Variants in RNF152 observed in about 807,000 individuals in gnomAD.
RNF152 encodes ring finger protein 152.
A neutral mutation model predicts 12.7 loss-of-function variants in RNF152; 11 were observed. The observed-to-expected ratio is 0.86, with a 90% confidence interval of 0.54 to 1.43. RNF152 has a LOEUF of 1.43. Among genes scored for constraint, RNF152 ranks in the 40% most tolerant of loss-of-function variants. RNF152 has a pLI of 0.00. For missense variants in RNF152, 255 were observed against 274.8 expected (o/e 0.93, Z 0.51); for synonymous variants, 113 against 120.3 (o/e 0.94, Z 0.40).
chr18:61,873,719 T>A (rs1011704918), intron 1 of RNF152, among the ~76,000 whole-genome samples: 4 of 152,196 alleles, frequency 2.6e-5, no homozygotes, highest in African/African-American at 9.6e-5. Flanking sequence ...TCTGCCCACA[T>A]AGTGAACTCT....
rs1451662719 is a variant in RNF152 at position 61,808,879 on chromosome 18, C to T, written c.*6973G>A. Reference sequence around the variant, plus strand: ...ACTCTGAAATTGCCTAGTGTGCTAACAATCCAAACCACGAGCATAGGATAG... The same window carrying T: ...ACTCTGAAATTGCCTAGTGTGCTAATAATCCAAACCACGAGCATAGGATAG... On this transcript the variant is annotated 3_prime_UTR_variant, in exon 2 of 2. Coordinates refer to ENST00000312828, the MANE Select transcript of RNF152 (RefSeq NM_173557.3). 1 of 152,174 alleles carries T rather than the reference C, an allele frequency of 6.6e-6. No homozygotes were observed. The highest frequency in any genetic ancestry group is 1.5e-5 in the Non-Finnish European group (1 of 68,040). The allele number at this position is 152,174 out of a possible 1,614,324, so 9.4% of individuals were successfully genotyped here. A position where few individuals can be genotyped will look rare whatever the true frequency, so the allele number is the denominator to read the frequency against.
Position 61,816,316 on chromosome 18 carries a change from G to A in RNF152, c.148C>T (p.Arg50Trp), listed in dbSNP as rs768728944. The A allele has an allele frequency of 6.2e-6, 10 of 1,614,102 alleles. No individual in the cohort carries two copies. Among genetic ancestry groups the A allele is most frequent in the South Asian group, 3.3e-5 (3 of 91,086 alleles). ...GTGACACCGCGGCACCAGGGGCACC[G>A]CACATCCTTCTGGCTGGTCCTCATC... is the stretch of plus-strand genomic sequence containing the variant. The part of the protein sequence containing the change: ...QQMRTSQKDV[R>W]CPWCRGVTKL... Residue 50 changes from arginine to tryptophan, a missense_variant, in exon 2 of 2, where the codon CGG (arginine) becomes TGG (tryptophan). Coordinates refer to ENST00000312828, the MANE Select transcript of RNF152 (RefSeq NM_173557.3).
intron 1 of RNF152, among the ~76,000 whole-genome samples, chr18:61,834,180 C>T (rs1910078577): frequency 2.0e-5 from 3 of 152,216 alleles, no homozygotes; most frequent in Non-Finnish European, 2.9e-5. Context: ...AGCAACATGC[C>T]TTTCTCATCT....
At chr18:61,865,195 C>T (rs563500059) in intron 1 of RNF152, among the ~76,000 whole-genome samples, 8 of 152,194 alleles carry the variant, frequency 5.3e-5, no homozygotes, top group South Asian at 2.1e-4. Context: ...CCAAATTGTC[C>T]GGCACATATA....
chr18:61,882,903 G>A (rs1367599581), intron 1 of RNF152, among the ~76,000 whole-genome samples: 1 of 152,148 alleles, frequency 6.6e-6, no homozygotes, highest in Non-Finnish European at 1.5e-5. Context: ...ATACAACATA[G>A]GAATGTTCCA....
At chr18:61,817,151 T>A (rs1461981483) in intron 1 of RNF152, among the ~76,000 whole-genome samples, 1 of 152,124 alleles carries the variant, frequency 6.6e-6, no homozygotes, top group African/African-American at 2.4e-5. Flanking sequence ...AGAAGTAAAG[T>A]GACACTGCAG....
At chr18:61,851,026 G>A (rs948482450) in intron 1 of RNF152, among the ~76,000 whole-genome samples, 2 of 151,370 alleles carry the variant, frequency 1.3e-5, no homozygotes, top group South Asian at 2.1e-4. Context: ...ATACCACCAG[G>A]TGCATCAGCC....
chr18:61,874,425 C>T (rs59692853), intron 1 of RNF152, among the ~76,000 whole-genome samples: 4,866 of 152,252 alleles, frequency 0.032, 270 homozygotes, highest in African/African-American at 0.11. Flanking sequence ...ATGAAAGAGC[C>T]CTCAATCAAC....
chr18:61,864,439 T>C (rs1055267747), intron 1 of RNF152, among the ~76,000 whole-genome samples: 3 of 152,156 alleles, frequency 2.0e-5, no homozygotes, highest in East Asian at 1.9e-4. Context: ...CAGGGCAAGA[T>C]TGGGTGCACA....
intron 1 of RNF152, among the ~76,000 whole-genome samples, chr18:61,842,873 C>T (rs1201137723): frequency 1.3e-5 from 2 of 152,120 alleles, no homozygotes; most frequent in African/African-American, 4.8e-5. Flanking sequence ...GGGAAAGACC[C>T]GCCCTCATAA....
chr18:61,835,612 T>G (rs7240831), intron 1 of RNF152, among the ~76,000 whole-genome samples: 69,470 of 151,944 alleles, frequency 0.46, 16,377 homozygotes, highest in Non-Finnish European at 0.53. Context: ...AATAATAAAT[T>G]AAAAAGGATA....
intron 1 of RNF152, among the ~76,000 whole-genome samples, chr18:61,823,444 C>T (rs554767979): frequency 4.7e-5 from 7 of 150,486 alleles, no homozygotes; most frequent in African/African-American, 1.7e-4. Flanking sequence ...TACAGGTGTG[C>T]ACCACCACAC....
At chr18:61,861,759 C>T (rs544071206) in intron 1 of RNF152, among the ~76,000 whole-genome samples, 1 of 152,134 alleles carries the variant, frequency 6.6e-6, no homozygotes, top group Admixed American at 6.5e-5. Flanking sequence ...GTGCAGAGAT[C>T]ACATGGTGAG....
intron 1 of RNF152, among the ~76,000 whole-genome samples, chr18:61,843,551 C>T (rs536128630): frequency 6.6e-6 from 1 of 152,200 alleles, no homozygotes; most frequent in South Asian, 2.1e-4. Flanking sequence ...GGAAAATACC[C>T]AAATGCCCAC....
At chr18:61,885,453 G>A (rs1351456166) in intron 1 of RNF152, among the ~76,000 whole-genome samples, 2 of 152,038 alleles carry the variant, frequency 1.3e-5, no homozygotes, top group South Asian at 2.1e-4. Flanking sequence ...GATTACAGGT[G>A]CACACCATCA....
chr18:61,843,347 T>C (rs903015969), intron 1 of RNF152, among the ~76,000 whole-genome samples: 1 of 152,224 alleles, frequency 6.6e-6, no homozygotes, highest in Non-Finnish European at 1.5e-5. Context: ...TGTTGGCTAT[T>C]GTTTAAAAAT....
chr18:61,834,798 T>A (rs1002219555), intron 1 of RNF152, among the ~76,000 whole-genome samples: 7 of 152,224 alleles, frequency 4.6e-5, no homozygotes, highest in African/African-American at 1.7e-4. Flanking sequence ...CGCAGAATGG[T>A]AAGTTACTTA....
intron 1 of RNF152, among the ~76,000 whole-genome samples, chr18:61,866,178 C>G (rs1245102974): frequency 6.6e-6 from 1 of 152,126 alleles, no homozygotes; most frequent in Admixed American, 6.5e-5. Flanking sequence ...CATCACAAAG[C>G]CCAGCAAACT....
At chr18:61,865,106 A>C (rs1456196857) in intron 1 of RNF152, among the ~76,000 whole-genome samples, 1 of 152,218 alleles carries the variant, frequency 6.6e-6, no homozygotes, top group Non-Finnish European at 1.5e-5. Flanking sequence ...TTAGGAGCTC[A>C]GTACCAGGAA....
Sources: allele counts gnomAD v4.1 joint callset (sites outside exome capture counted in the v4.1 genomes callset), GRCh38; gene constraint gnomAD v4.1.1; transcripts MANE v1.5; gene names NCBI Gene and HGNC (gene_info 2026-07-23, HGNC 2026-07-21).